FREM2: variants seen among roughly 807,000 people sequenced by gnomAD.
FREM2 encodes FRAS1-related extracellular matrix protein 2.
FREM2 carries 119 observed loss-of-function variants against 219.9 expected under a neutral mutation model. The observed-to-expected ratio is 0.54, with a 90% confidence interval of 0.47 to 0.63. The LOEUF is 0.63. FREM2 is among the 30% of genes least tolerant of loss of function. The pLI is 0.00. For missense variants in FREM2, 4,030 were observed against 3,993.6 expected, an observed-to-expected ratio of 1.01 and a Z score of -0.25; for synonymous variants, 1,562 against 1,522.8, an observed-to-expected ratio of 1.03 and a Z score of -0.60.
chr13:38,751,952 T>G (rs1872792810), intron 2 of FREM2, among the ~76,000 whole-genome samples: 1 of 151,990 alleles, frequency 6.6e-6, no homozygotes, highest in Non-Finnish European at 1.5e-5. Flanking sequence ...TAATCTGAGA[T>G]AGTGAAATTA....
chr13:38,774,648 A>G (rs148600208), intron 4 of FREM2, among the ~76,000 whole-genome samples: 44 of 152,326 alleles, frequency 2.9e-4, no homozygotes, highest in Non-Finnish European at 5.3e-4. Context: ...ATATTAGTTA[A>G]TGTTAAACAT....
chr13:38,699,317 CACAA>C (rs1408547608), intron 2 of FREM2, among the ~76,000 whole-genome samples: 1 of 150,380 alleles, frequency 6.6e-6, no homozygotes, highest in African/African-American at 2.5e-5. Context: ...TTTGCTCATA[CACAA>C]ACACACACAC....
At chr13:38,772,040 T>G (rs1371830162) in intron 4 of FREM2, among the ~76,000 whole-genome samples, 1 of 152,164 alleles carries the variant, frequency 6.6e-6, no homozygotes, top group African/African-American at 2.4e-5. Flanking sequence ...TTAAAAACTT[T>G]GTTTCCTTTT....
chr13:38,690,426 A>G lies in FREM2; in HGVS notation c.3082A>G (p.Lys1028Glu), dbSNP rs758531953. ...CAGTGGTGAGATAGGCCTATTGCCTAAAGCGGATTCTTTTAACCTGAGTCT... is the reference window on the plus strand; with the variant it reads ...CAGTGGTGAGATAGGCCTATTGCCTGAAGCGGATTCTTTTAACCTGAGTCT... ...HTSGEIGLLP[K>E]ADSFNLSLSD... The change falls in exon 1 of 24, where the codon AAA becomes GAA. Residue 1028 changes from lysine to glutamate, a missense_variant. Transcript: ENST00000280481. 6 of 1,614,082 alleles carry G rather than the reference A, an allele frequency of 3.7e-6. No individual in the cohort carries two copies. In the Admixed American group the frequency reaches 5.0e-5, roughly 13 times the overall value.
chr13:38,691,907 A>C lies in FREM2; in HGVS notation c.4563A>C (p.Thr1521=). 3 of 1,614,198 alleles carry C rather than the reference A, an allele frequency of 1.9e-6. No individual in the cohort carries two copies. In the South Asian group the frequency reaches 3.3e-5, roughly 18 times the overall value. ...VTDGRNPVFR[T]FRISISDVDN... is the part of the protein sequence containing the mutation. The stretch of plus-strand genomic sequence containing the variant: ...ATGGACGTAACCCTGTCTTTCGGAC[A>C]TTCCGTATCTCCATTAGCGATGTGG... Residue 1521 remains threonine, a synonymous_variant, in exon 1 of 24, where the codon ACA becomes ACC. Transcript: ENST00000280481.
At chr13:38,726,070 T>C (rs752764814) in intron 2 of FREM2, among the ~76,000 whole-genome samples, 1 of 152,104 alleles carries the variant, frequency 6.6e-6, no homozygotes, top group South Asian at 2.1e-4. Flanking sequence ...GCGCACACCA[T>C]GCCATGCAGG....
chr13:38,873,490 A>G (rs542552087), intron 17 of FREM2, among the ~76,000 whole-genome samples: 7 of 152,110 alleles, frequency 4.6e-5, no homozygotes, highest in East Asian at 1.9e-4. Flanking sequence ...GTAAAATTCT[A>G]TTACTCTGGG....
chr13:38,838,915 T>G (rs6563639), intron 6 of FREM2, among the ~76,000 whole-genome samples: 38,452 of 152,006 alleles, frequency 0.25, 6,322 homozygotes, highest in African/African-American at 0.46. Flanking sequence ...TGCTCCTTTA[T>G]CTCGGAGGAG....
chr13:38,788,722 G>A (rs777437210), intron 6 of FREM2, among the ~76,000 whole-genome samples: 2 of 152,024 alleles, frequency 1.3e-5, no homozygotes, highest in Non-Finnish European at 2.9e-5. Flanking sequence ...GATGGAAGCA[G>A]TAGAGCAGGC....
intron 1 of FREM2, 151 bp downstream of exon 1, chr13:38,692,668 G>A: frequency 1.1e-6 from 1 of 894,298 alleles, no homozygotes; most frequent in Non-Finnish European, 1.8e-6. Flanking sequence ...TTTCCTAGGA[G>A]GACAGCTCCC....
At chr13:38,824,713 T>G (rs1876205789) in intron 6 of FREM2, among the ~76,000 whole-genome samples, 1 of 151,988 alleles carries the variant, frequency 6.6e-6, no homozygotes, top group Non-Finnish European at 1.5e-5. Context: ...AGCCATGCTG[T>G]TAGATACACA....
chr13:38,695,546 T>C (rs918653080), intron 1 of FREM2, among the ~76,000 whole-genome samples: 3 of 152,226 alleles, frequency 2.0e-5, no homozygotes, highest in East Asian at 3.8e-4. Flanking sequence ...CTGGGCATGC[T>C]AAACAGTGCC....
chr13:38,733,195 A>T (rs1284900556), intron 2 of FREM2, among the ~76,000 whole-genome samples: 3 of 152,160 alleles, frequency 2.0e-5, no homozygotes, highest in African/African-American at 7.2e-5. Flanking sequence ...CAATGAAACT[A>T]TCAGTTTCTA....
chr13:38,718,856 T>C (rs1396663773), intron 2 of FREM2, among the ~76,000 whole-genome samples: 2 of 152,238 alleles, frequency 1.3e-5, no homozygotes, highest in African/African-American at 2.4e-5. Flanking sequence ...ACACAAACTT[T>C]ACCCTGGTCA....
intron 16 of FREM2, among the ~76,000 whole-genome samples, chr13:38,871,982 TATTCCCTTAATAA>T (rs978318265): frequency 3.3e-5 from 5 of 152,196 alleles, no homozygotes; most frequent in Admixed American, 6.5e-5. Context: ...CTATGTTTCA[TATTCCCTTAATAA>T]AAAAGTAGCT....
chr13:38,805,615 C>A (rs961310075), intron 6 of FREM2, among the ~76,000 whole-genome samples: 1 of 151,566 alleles, frequency 6.6e-6, no homozygotes, highest in Non-Finnish European at 1.5e-5. Flanking sequence ...ATGACATCTA[C>A]AAGAAAGAGA....
chr13:38,800,722 C>T (rs528812324), intron 6 of FREM2, among the ~76,000 whole-genome samples: 3 of 152,278 alleles, frequency 2.0e-5, no homozygotes, highest in South Asian at 4.2e-4. Flanking sequence ...CTCCACCTCC[C>T]GGGTTGAAGC....
chr13:38,827,957 T>C (rs1314173982), intron 6 of FREM2, among the ~76,000 whole-genome samples: 1 of 152,184 alleles, frequency 6.6e-6, no homozygotes, highest in Non-Finnish European at 1.5e-5. Context: ...AATCTTTGTT[T>C]AGTAATAATA....
intron 15 of FREM2, among the ~76,000 whole-genome samples, chr13:38,863,894 G>A (rs746077949): frequency 1.4e-4 from 22 of 152,014 alleles, no homozygotes; most frequent in Non-Finnish European, 2.9e-4. Flanking sequence ...GTGCAGTGGT[G>A]CGATCTCAGC....
Sources: allele counts gnomAD v4.1 joint callset (sites outside exome capture counted in the v4.1 genomes callset), GRCh38; gene constraint gnomAD v4.1.1; transcripts MANE v1.5; gene names NCBI Gene and HGNC (gene_info 2026-07-23, HGNC 2026-07-21).